Variants in RBMS3 observed in about 807,000 individuals in gnomAD.
RBMS3 encodes RNA binding motif single stranded interacting protein 3.
Under a neutral mutation model 66.8 loss-of-function variants are expected in RBMS3, and 27 were observed. The observed-to-expected ratio is 0.40, with a 90% confidence interval of 0.30 to 0.56. The LOEUF (loss-of-function observed/expected upper bound fraction) is 0.56, where lower values mean the gene tolerates loss of function less well. RBMS3 is among the 20% of genes least tolerant of loss of function. RBMS3 has a pLI of 0.40. For synonymous variants in RBMS3, 188 were observed against 183.0 expected (o/e 1.03, Z -0.22); for missense variants, 513 against 549.5 (o/e 0.93, Z 0.66).
intron 12 of RBMS3, 88 bp downstream of exon 12, chr3:29,944,342 TTC>T: frequency 8.6e-7 from 1 of 1,163,558 alleles, no homozygotes; most frequent in Non-Finnish European, 1.3e-6. Context: ...AAAGCAGTGA[TTC>T]TCAACAGAGG....
chr3:29,290,467 C>T (rs1279720776), intron 1 of RBMS3, among the ~76,000 whole-genome samples: 2 of 151,790 alleles, frequency 1.3e-5, no homozygotes, highest in African/African-American at 4.8e-5. Flanking sequence ...TTGGTGGGAA[C>T]TACCCTTGGA....
At chr3:29,747,831 G>T (rs889841222) in intron 5 of RBMS3, among the ~76,000 whole-genome samples, 6 of 152,180 alleles carry the variant, frequency 3.9e-5, no homozygotes, top group Admixed American at 3.3e-4. Context: ...GGCAGAAGTT[G>T]TCCCTCTGGG....
At chr3:29,824,063 C>A (rs2058140363) in intron 6 of RBMS3, among the ~76,000 whole-genome samples, 1 of 151,968 alleles carries the variant, frequency 6.6e-6, no homozygotes, top group Non-Finnish European at 1.5e-5. Flanking sequence ...CACATCCATT[C>A]TTGGTTACAT....
chr3:29,776,779 G>A (rs1388128219), intron 6 of RBMS3, among the ~76,000 whole-genome samples: 2 of 151,822 alleles, frequency 1.3e-5, no homozygotes, highest in African/African-American at 4.8e-5. Flanking sequence ...GGGTATATAA[G>A]GTACACATCC....
rs1470427502 is a variant in RBMS3 at position 30,006,119 on chromosome 3, CTT to C, written c.*2260_*2261del. ...TCCTTTGAATCAAATAGGTGAAACT[CTT>C]TTCAAAAACTAAGTCAGTCACAGGA... is the stretch of plus-strand genomic sequence containing the variant. On this transcript the variant is annotated 3_prime_UTR_variant, in exon 15 of 15. Transcript: ENST00000383767. 1.3e-5 allele frequency: 2 copies of C among 151,800 alleles called. No individual in the cohort carries two copies. Among genetic ancestry groups the C allele is most frequent in the African/African-American group, 4.8e-5 (2 of 41,382 alleles). The allele number at this position is 151,800 out of a possible 1,614,324, so 9.4% of individuals were successfully genotyped here.
intron 3 of RBMS3, among the ~76,000 whole-genome samples, chr3:29,519,754 T>A (rs2044781666): frequency 6.6e-6 from 1 of 152,128 alleles, no homozygotes; most frequent in Admixed American, 6.5e-5. Context: ...CCCCCCAAAA[T>A]AGTATCAAAC....
chr3:29,342,742 C>A (rs573353411), intron 1 of RBMS3, among the ~76,000 whole-genome samples: 1 of 152,066 alleles, frequency 6.6e-6, no homozygotes, highest in Non-Finnish European at 1.5e-5. Context: ...AAAACCTATA[C>A]GTAGTGGTTG....
chr3:29,543,521 C>T (rs2149016451), intron 3 of RBMS3, among the ~76,000 whole-genome samples: 1 of 152,188 alleles, frequency 6.6e-6, no homozygotes, highest in East Asian at 1.9e-4. Flanking sequence ...CCAGCCTGGG[C>T]AACATAGTGA....
chr3:29,413,153 TA>T (rs2040338535), intron 1 of RBMS3, among the ~76,000 whole-genome samples: 1 of 152,050 alleles, frequency 6.6e-6, no homozygotes, highest in African/African-American at 2.4e-5. Flanking sequence ...GGCAGATCAC[TA>T]GGTCAGGAAT....
At chr3:29,454,084 C>A (rs1016005575) in intron 2 of RBMS3, among the ~76,000 whole-genome samples, 1 of 152,172 alleles carries the variant, frequency 6.6e-6, no homozygotes, top group Non-Finnish European at 1.5e-5. Flanking sequence ...TTTCAACTCC[C>A]TTTTTCTGCC....
At chr3:29,345,793 G>T (rs1185552311) in intron 1 of RBMS3, among the ~76,000 whole-genome samples, 1 of 152,178 alleles carries the variant, frequency 6.6e-6, no homozygotes, top group Non-Finnish European at 1.5e-5. Context: ...TCCCGACACA[G>T]ATGTTGACAG....
chr3:29,574,828 A>AACACACACACACACAC (rs201818764), intron 3 of RBMS3, among the ~76,000 whole-genome samples: 1 of 146,850 alleles, frequency 6.8e-6, no homozygotes, highest in East Asian at 2.0e-4. Context: ...TGCATAAGAA[A>AACACACACACACACAC]ACACACACAC....
chr3:29,895,933 T>G (rs942666452), intron 8 of RBMS3, among the ~76,000 whole-genome samples: 1 of 151,450 alleles, frequency 6.6e-6, no homozygotes, highest in Non-Finnish European at 1.5e-5. Flanking sequence ...TATTTTCTCT[T>G]TTTGTCATTA....
At chr3:29,724,067 G>T (rs2053755074) in intron 4 of RBMS3, among the ~76,000 whole-genome samples, 1 of 150,652 alleles carries the variant, frequency 6.6e-6, no homozygotes, top group Non-Finnish European at 1.5e-5. Flanking sequence ...ATTAATCTTT[G>T]TCGCTCACAA....
intron 4 of RBMS3, among the ~76,000 whole-genome samples, chr3:29,680,609 T>A (rs1015500366): frequency 6.6e-6 from 1 of 152,176 alleles, no homozygotes; most frequent in Non-Finnish European, 1.5e-5. Flanking sequence ...AAAATTTCCC[T>A]AACATTTTAT....
chr3:29,354,684 A>G (rs926377620), intron 1 of RBMS3, among the ~76,000 whole-genome samples: 3 of 152,164 alleles, frequency 2.0e-5, no homozygotes, highest in Non-Finnish European at 4.4e-5. Flanking sequence ...ACTACTAAAC[A>G]GTATCAGGCC....
chr3:29,731,377 A>T (rs2054126853), intron 4 of RBMS3, among the ~76,000 whole-genome samples: 1 of 152,222 alleles, frequency 6.6e-6, no homozygotes, highest in Non-Finnish European at 1.5e-5. Context: ...AAAAATTGGC[A>T]GTCACCTTCC....
intron 12 of RBMS3, among the ~76,000 whole-genome samples, chr3:29,980,993 TA>T (rs1697945383): frequency 6.6e-6 from 1 of 152,198 alleles, no homozygotes; most frequent in Admixed American, 6.5e-5. Flanking sequence ...TTAATGGGAA[TA>T]GCATTGAATC....
chr3:29,809,915 A>T (rs1263160222), intron 6 of RBMS3, among the ~76,000 whole-genome samples: 1 of 151,944 alleles, frequency 6.6e-6, no homozygotes, highest in Non-Finnish European at 1.5e-5. Flanking sequence ...CTACCACCCC[A>T]CCATCATGGT....
Sources: allele counts gnomAD v4.1 joint callset (sites outside exome capture counted in the v4.1 genomes callset), GRCh38; gene constraint gnomAD v4.1.1; transcripts MANE v1.5; gene names NCBI Gene and HGNC (gene_info 2026-07-23, HGNC 2026-07-21).